The following TNFRSF10D variants were observed in gnomAD, a reference collection of about 807,000 sequenced individuals.
TNFRSF10D encodes TNF receptor superfamily member 10d, also known as tumor necrosis factor receptor superfamily member 10D.
In TNFRSF10D, 28 loss-of-function variants were observed where a neutral mutation model predicts 42.1. The observed-to-expected ratio is 0.66, with a 90% CI of 0.49 to 0.91. TNFRSF10D has a LOEUF of 0.91. TNFRSF10D is among the 40% of genes least tolerant of loss of function. The pLI, the probability that TNFRSF10D is intolerant of heterozygous loss-of-function variation, is 0.00. For missense variants in TNFRSF10D, 503 were observed against 486.1 expected (o/e 1.03, Z -0.33); for synonymous variants, 186 against 189.4 (o/e 0.98, Z 0.15).
At chr8:23,158,811 T>C (rs1304041840) in intron 1 of TNFRSF10D, among the ~76,000 whole-genome samples, 2 of 152,230 alleles carry the variant, frequency 1.3e-5, no homozygotes, top group East Asian at 1.9e-4. Context: ...TTTATTGTGG[T>C]ATAATGGATA....
intron 1 of TNFRSF10D, among the ~76,000 whole-genome samples, chr8:23,159,542 C>T (rs1206724760): frequency 1.3e-5 from 2 of 150,702 alleles, no homozygotes; most frequent in African/African-American, 5.0e-5. Flanking sequence ...CACTGCTTCT[C>T]TGTGCTAGGT....
intron 6 of TNFRSF10D, 52 bp downstream of exon 6, chr8:23,145,006 G>C: frequency 6.2e-7 from 1 of 1,613,716 alleles, no homozygotes; most frequent in South Asian, 1.1e-5. Context: ...CAGTGGATGG[G>C]AAGCAGTTCC....
chr8:23,144,770 G>A, intron 6 of TNFRSF10D, 135 bp from the exon 7 acceptor site: 1 of 1,135,422 alleles, frequency 8.8e-7, no homozygotes, highest in Non-Finnish European at 1.2e-6. Flanking sequence ...GCACATCCAG[G>A]ACCCCATGCT....
In TNFRSF10D at chr8:23,154,747, T is replaced by C. The variant is rs1563361459; in HGVS notation, c.256+127A>G. On this transcript the variant is annotated intron_variant, in intron 2 of 8. Transcript: ENST00000312584. The stretch of plus-strand genomic sequence containing the variant: ...TTACAACAAATACACGATAAGTATG[T>C]GAATTAGCTTGATTTAGCCATTTCA... The C allele has an allele frequency of 2.9e-6, 3 of 1,042,026 alleles. No individual in the cohort carries two copies. The African/African-American group carries it at 4.8e-5, about 17-fold the overall frequency. 64.5% of individuals were successfully genotyped at this position (1,042,026 alleles called of 1,614,324 possible).
chr8:23,138,027 G>A, intron 8 of TNFRSF10D, 24 bp from the exon 9 acceptor site: 1 of 1,613,414 alleles, frequency 6.2e-7, no homozygotes, highest in Non-Finnish European at 8.5e-7. Flanking sequence ...AGAGATTTAG[G>A]GTCTCAATGC....
rs758767423 is a variant in TNFRSF10D, at chr8:23,144,625, C to G, written c.779G>C (p.Arg260Pro). 1 of 1,613,316 alleles carries G rather than the reference C, an allele frequency of 6.2e-7. No individual in the cohort carries two copies. The highest frequency in any genetic ancestry group is 8.5e-7 in the Non-Finnish European group (1 of 1,179,608). Residue 260 changes from arginine to proline, a missense_variant, in exon 7 of 9, where the codon CGG becomes CCG. Coordinates refer to ENST00000312584, the MANE Select transcript of TNFRSF10D (RefSeq NM_003840.5). Reference protein sequence around the residue: ...GPERVHRVLFRRRSCPSRVPG... With the variant: ...GPERVHRVLFPRRSCPSRVPG... ...AACTCGTGAAGGACATGAACGCCGC[C>G]GGAAAAGGACCTTGGGAAGACAAAG...
chr8:23,137,653 G>A lies in TNFRSF10D; in HGVS notation c.*217C>T. 1.8e-6 allele frequency: 1 copy of A among 545,484 alleles called. No homozygotes were observed. Among genetic ancestry groups the A allele is most frequent in the Non-Finnish European group, 3.1e-6 (1 of 324,154 alleles). 33.8% of individuals were successfully genotyped at this position (545,484 alleles called of 1,614,324 possible). Reference sequence around the variant, plus strand: ...CGTATAACTATGCAGCCAAGAATCTGATATAAATTTCTCCCGTTTGCTTAT... The same window carrying A: ...CGTATAACTATGCAGCCAAGAATCTAATATAAATTTCTCCCGTTTGCTTAT... On this transcript the variant is annotated 3_prime_UTR_variant, in exon 9 of 9. Transcript: ENST00000312584.
chr8:23,135,876 T>C lies in TNFRSF10D; in HGVS notation c.*1994A>G, dbSNP rs1377970303. 2.2e-6 allele frequency: 1 copy of C among 452,022 alleles called. No individual in the cohort carries two copies. The highest frequency in any genetic ancestry group is 2.4e-5 in the Admixed American group (1 of 42,484). The allele number at this position is 452,022 out of a possible 1,614,324, so 28.0% of individuals were successfully genotyped here. On this transcript the variant is annotated 3_prime_UTR_variant, in exon 9 of 9. Transcript: ENST00000312584. ...CTCTGAGCTTTGAGACCAAGTCTCC[T>C]GCACAGAAGGCCCAGCAAAGGCAAA...
At chr8:23,160,901 C>T (rs113354556) in intron 1 of TNFRSF10D, among the ~76,000 whole-genome samples, 8 of 152,370 alleles carry the variant, frequency 5.3e-5, no homozygotes, top group African/African-American at 1.9e-4. Context: ...CAGGCTGTGG[C>T]CCTGCAGTGC....
chr8:23,160,196 G>C (rs913757352), intron 1 of TNFRSF10D, among the ~76,000 whole-genome samples: 2 of 152,160 alleles, frequency 1.3e-5, no homozygotes, highest in Non-Finnish European at 2.9e-5. Context: ...GGGTTCATCT[G>C]TCCTCCCTGG....
intron 7 of TNFRSF10D, among the ~76,000 whole-genome samples, chr8:23,139,297 T>A (rs1346740374): frequency 2.0e-5 from 3 of 152,128 alleles, no homozygotes; most frequent in Non-Finnish European, 4.4e-5. Context: ...TGTTATCTCC[T>A]TTGATAAGGA....
At chr8:23,154,424 C>T (rs1272693887) in intron 2 of TNFRSF10D, among the ~76,000 whole-genome samples, 1 of 152,222 alleles carries the variant, frequency 6.6e-6, no homozygotes, top group Non-Finnish European at 1.5e-5. Context: ...GATAGTATTG[C>T]ATACACCCCA....
chr8:23,159,124 T>C (rs1000583145), intron 1 of TNFRSF10D, among the ~76,000 whole-genome samples: 4 of 150,520 alleles, frequency 2.7e-5, no homozygotes, highest in Non-Finnish European at 5.9e-5. Context: ...TCTGTGGTTT[T>C]TGGTTTTATT....
In TNFRSF10D at chr8:23,139,949, G is replaced by T. The variant is rs1281941377; in HGVS notation, c.955-1689C>A. On this transcript the variant is annotated intron_variant, in intron 7 of 8. Coordinates refer to ENST00000312584, the MANE Select transcript of TNFRSF10D (RefSeq NM_003840.5). Reference sequence around the variant, plus strand: ...TCACGATGTCAAGAGTTCAAGACCAGCACGACCAACATGGTGAAACCCCGT... The same window carrying T: ...TCACGATGTCAAGAGTTCAAGACCATCACGACCAACATGGTGAAACCCCGT... Among the ~76,000 whole-genome samples, 3 of 151,906 alleles carry T rather than the reference G, an allele frequency of 2.0e-5. No homozygotes were observed. In the East Asian group the frequency reaches 5.8e-4, roughly 29 times the overall value.
At chr8:23,148,323 A>G (rs1399147117) in intron 3 of TNFRSF10D, 115 bp downstream of exon 3, 3 of 592,062 alleles carry the variant, frequency 5.1e-6, no homozygotes, top group Non-Finnish European at 9.2e-6. Context: ...GGAACAGGGC[A>G]TGATGAAGAC....
rs186739696 is a variant in TNFRSF10D at position 23,137,861 on chromosome 8, G to A, written c.*9C>T. 3.0e-5 allele frequency: 49 copies of A among 1,607,900 alleles called. No individual in the cohort carries two copies. The African/African-American group carries it at 6.2e-4, about 20-fold the overall frequency. On this transcript the variant is annotated 3_prime_UTR_variant, in exon 9 of 9. Transcript: ENST00000312584. ...ATGAGGGAAGCTCTGGTTTCCTGAA[G>A]AGATTCTTTCACAGGCAGGACGTAG...
In TNFRSF10D at chr8:23,148,372, C is replaced by A. The variant is rs566378499; in HGVS notation, c.370+66G>T. 4.7e-6 allele frequency: 6 copies of A among 1,288,674 alleles called. No homozygotes were observed. The Admixed American group carries it at 5.4e-5, about 12-fold the overall frequency. The allele number at this position is 1,288,674 out of a possible 1,614,324, so 79.8% of individuals were successfully genotyped here. Reference sequence around the variant, plus strand: ...TAGAACTTGGTTCCCCGACTCACATCGGCTACAGCTCCCACCTCATCACTA... The same window carrying A: ...TAGAACTTGGTTCCCCGACTCACATAGGCTACAGCTCCCACCTCATCACTA... On this transcript the variant is annotated intron_variant, in intron 3 of 8. Transcript: ENST00000312584.
At position 23,145,043 on chromosome 8, in the gene TNFRSF10D, G is replaced by A. The variant is rs778378817; in HGVS notation, c.768+15C>T. ...GAACCCACGAAGCCCCCAGTTTCTG[G>A]AGAAACCAACTCACTCTGTGCACAC... is the stretch of plus-strand genomic sequence containing the variant. On this transcript the variant is annotated intron_variant, in intron 6 of 8. Transcript: ENST00000312584. The A allele has an allele frequency of 1.2e-6, 2 of 1,614,022 alleles. No homozygotes were observed. Among genetic ancestry groups the A allele is most frequent in the Admixed American group, 3.3e-5 (2 of 60,008 alleles).
At chr8:23,138,283 C>G in intron 7 of TNFRSF10D, 23 bp from the exon 8 acceptor site, 1 of 1,614,148 alleles carries the variant, frequency 6.2e-7, no homozygotes, top group Non-Finnish European at 8.5e-7. Flanking sequence ...GTGGGGAATG[C>G]TCTGGTCAGA....
Sources: gnomAD v4.1 joint callset for allele counts (sites outside exome capture counted in the v4.1 genomes callset) on GRCh38, gnomAD v4.1.1 for gene constraint, MANE v1.5 for transcripts, NCBI Gene and HGNC (gene_info 2026-07-23, HGNC 2026-07-21) for gene names.